The following ERC1 variants were observed in gnomAD, a reference collection of about 807,000 sequenced individuals.
The protein encoded by ERC1 is RAB6 interacting protein 2.
Under a neutral mutation model 132.0 loss-of-function variants are expected in ERC1, and 56 were observed. That is an observed-to-expected ratio of 0.42 (90% CI 0.34 to 0.53). The LOEUF (loss-of-function observed/expected upper bound fraction) is 0.53. ERC1 is among the 20% of genes least tolerant of loss of function. ERC1 has a pLI of 0.03. For synonymous variants in ERC1, 478 were observed against 476.1 expected (o/e 1.00, Z -0.05); for missense variants, 1,202 against 1,349.9 (o/e 0.89, Z 1.72).
rs74598549 is a variant in ERC1 at position 1,182,430 on chromosome 12, C to T, written c.2016+365C>T. Among the ~76,000 whole-genome samples, 691 of 152,264 alleles carry T rather than the reference C, an allele frequency of 4.5e-3. 31 individuals carry two copies. In the East Asian group the frequency reaches 0.11, roughly 25 times the overall value. On this transcript the variant is annotated intron_variant, in intron 10 of 18. Coordinates refer to ENST00000360905, the MANE Select transcript of ERC1 (RefSeq NM_178040.4). ...AGGAAATTTTATGTATAGCAACTAT[C>T]AAAGAACACAACAGCTATTAAATTA...
intron 15 of ERC1, among the ~76,000 whole-genome samples, chr12:1,331,383 A>AT (rs2082849882): frequency 6.6e-6 from 1 of 152,164 alleles, no homozygotes; most frequent in African/African-American, 2.4e-5. Context: ...ACTATACAAT[A>AT]TTTATTTGTC....
At chr12:1,111,814 C>A (rs1229694177) in intron 5 of ERC1, among the ~76,000 whole-genome samples, 1 of 151,908 alleles carries the variant, frequency 6.6e-6, no homozygotes, top group Non-Finnish European at 1.5e-5. Flanking sequence ...ACTATGATGG[C>A]CAGGCAGGTC....
intron 17 of ERC1, among the ~76,000 whole-genome samples, chr12:1,416,647 A>G (rs900006889): frequency 7.9e-5 from 12 of 152,194 alleles, no homozygotes; most frequent in African/African-American, 2.7e-4. Flanking sequence ...TTCTAAGTTG[A>G]TTGTCCCTTT....
In ERC1 at chr12:1,161,958, ATATACT is replaced by A. The variant is rs1228204616; in HGVS notation, c.1738-18579_1738-18574del. 1.1e-4 allele frequency among the ~76,000 whole-genome samples: 16 copies of A among 152,260 alleles called. No individual in the cohort carries two copies. The East Asian group carries it at 1.5e-3, about 15-fold the overall frequency. ...CTATGTTATTTTGGCATTTATCTAG[ATATACT>A]TAAAAGAAATTTTTTCTTCTGAGCA... On this transcript the variant is annotated intron_variant, in intron 8 of 18. Transcript: ENST00000360905.
At chr12:1,478,575 C>T (rs1037570668) in intron 18 of ERC1, among the ~76,000 whole-genome samples, 13 of 151,858 alleles carry the variant, frequency 8.6e-5, no homozygotes, top group African/African-American at 1.5e-4. Flanking sequence ...GGGTGGATCA[C>T]GAGGTCAGGA....
intron 6 of ERC1, among the ~76,000 whole-genome samples, chr12:1,115,343 T>C (rs1461553911): frequency 6.6e-6 from 1 of 152,232 alleles, no homozygotes; most frequent in African/African-American, 2.4e-5. Flanking sequence ...ATAAGAATTT[T>C]ATGCAAACTT....
chr12:1,288,676 A>G (rs1317504508), intron 14 of ERC1, among the ~76,000 whole-genome samples: 2 of 152,208 alleles, frequency 1.3e-5, no homozygotes, highest in Admixed American at 6.5e-5. Context: ...TTAGTATCAC[A>G]CAAATGGGGT....
chr12:1,189,101 T>C lies in ERC1; in HGVS notation c.2158-758T>C, dbSNP rs1955441054. Among the ~76,000 whole-genome samples the C allele has an allele frequency of 2.6e-5, 4 of 152,176 alleles. No homozygotes were observed. In the South Asian group the frequency reaches 8.3e-4, roughly 32 times the overall value. ...AAACAATTTTTTTTTCCAATAGAGA[T>C]GGGGCCTTGCTGTGTTGCCCAGGCT... On this transcript the variant is annotated intron_variant, in intron 11 of 18. Transcript: ENST00000360905.
intron 12 of ERC1, among the ~76,000 whole-genome samples, chr12:1,207,624 GA>G (rs893485917): frequency 4.6e-5 from 7 of 151,780 alleles, no homozygotes; most frequent in African/African-American, 1.5e-4. Flanking sequence ...TCATTGGTGG[GA>G]AAAAAAATAC....
chr12:1,281,331 CAA>C (rs1435296153), intron 14 of ERC1, among the ~76,000 whole-genome samples: 1 of 147,012 alleles, frequency 6.8e-6, no homozygotes, highest in Non-Finnish European at 1.5e-5. Flanking sequence ...CCTAGCAAAG[CAA>C]AAAAAAAATG....
chr12:994,571 GAATT>G (rs1592551941), intron 1 of ERC1, among the ~76,000 whole-genome samples: 1 of 152,278 alleles, frequency 6.6e-6, no homozygotes, highest in East Asian at 1.9e-4. Flanking sequence ...CTGGTCAAAT[GAATT>G]AATTCATGTA....
chr12:1,049,400 T>G (rs1193277879), intron 2 of ERC1, among the ~76,000 whole-genome samples: 1 of 152,114 alleles, frequency 6.6e-6, no homozygotes, highest in Non-Finnish European at 1.5e-5. Context: ...CTGAGAAACT[T>G]AAAAAACAAA....
In ERC1 at chr12:1,495,328, C is replaced by T. The variant is rs552803119; in HGVS notation, c.*5098C>T. 8 of 228,240 alleles carry T rather than the reference C, an allele frequency of 3.5e-5. No homozygotes were observed. The highest frequency in any genetic ancestry group is 1.8e-4 in the South Asian group (1 of 5,504). The allele number at this position is 228,240 out of a possible 1,614,324, so 14.1% of individuals were successfully genotyped here. ...TCTGGCTTCAGGCCCTCAATTATTTCCCTTTGAGCTTTTTTAGACCCTAGA... is the reference window on the plus strand; with the variant it reads ...TCTGGCTTCAGGCCCTCAATTATTTTCCTTTGAGCTTTTTTAGACCCTAGA... On this transcript the variant is annotated 3_prime_UTR_variant, in exon 19 of 19. Coordinates refer to ENST00000360905, the MANE Select transcript of ERC1 (RefSeq NM_178040.4).
At chr12:1,313,848 G>T (rs1007600518) in intron 15 of ERC1, among the ~76,000 whole-genome samples, 1 of 152,132 alleles carries the variant, frequency 6.6e-6, no homozygotes, top group African/African-American at 2.4e-5. Context: ...GCCGGGCATG[G>T]TGGTAGGTGC....
At chr12:1,374,050 G>GCATTTGAT (rs2087572280) in intron 16 of ERC1, among the ~76,000 whole-genome samples, 1 of 152,186 alleles carries the variant, frequency 6.6e-6, no homozygotes, top group South Asian at 2.1e-4. Flanking sequence ...CTTGCCAAAG[G>GCATTTGAT]CATTTGATTC....
intron 14 of ERC1, among the ~76,000 whole-genome samples, chr12:1,287,522 T>C (rs2079116723): frequency 6.6e-6 from 1 of 152,178 alleles, no homozygotes; most frequent in Non-Finnish European, 1.5e-5. Context: ...GGGTGGGCCT[T>C]ATCCAGTCAG....
intron 12 of ERC1, among the ~76,000 whole-genome samples, chr12:1,228,850 C>T (rs951529232): frequency 5.3e-5 from 8 of 152,232 alleles, no homozygotes; most frequent in Non-Finnish European, 2.9e-5. Flanking sequence ...TTGAACTATC[C>T]TTGCAAATAA....
At chr12:1,075,116 C>G (rs1394761138) in intron 2 of ERC1, among the ~76,000 whole-genome samples, 1 of 151,724 alleles carries the variant, frequency 6.6e-6, no homozygotes, top group Non-Finnish European at 1.5e-5. Context: ...AGGCTCTTCC[C>G]CTGTCTCATT....
chr12:1,430,125 GCCATATGGAACCTCT>G (rs1272308469), intron 17 of ERC1, among the ~76,000 whole-genome samples: 2 of 152,118 alleles, frequency 1.3e-5, no homozygotes, highest in Non-Finnish European at 2.9e-5. Flanking sequence ...TCCGTTCCTT[GCCATATGGAACCTCT>G]CCATTGGGCT....
Sources: gnomAD v4.1 joint callset for allele counts (sites outside exome capture counted in the v4.1 genomes callset) on GRCh38, gnomAD v4.1.1 for gene constraint, MANE v1.5 for transcripts, NCBI Gene and HGNC (gene_info 2026-07-23, HGNC 2026-07-21) for gene names.